Variants in NELL1 observed in about 807,000 individuals in gnomAD.
NELL1 encodes neural EGFL like 1.
In NELL1, 76 loss-of-function variants were observed where a neutral mutation model predicts 107.4. The ratio of observed to expected loss-of-function variants is 0.71; its 90% confidence interval spans 0.59 to 0.86. The LOEUF is 0.86. Among genes scored for constraint, NELL1 ranks in the 40% least tolerant of loss-of-function variants. The pLI is 0.00. For missense variants in NELL1, 1,024 were observed against 1,005.5 expected (o/e 1.02, Z -0.25); for synonymous variants, 353 against 341.2 (o/e 1.03, Z -0.38).
intron 2 of NELL1, among the ~76,000 whole-genome samples, chr11:20,695,722 G>A (rs764282506): frequency 1.3e-5 from 2 of 152,004 alleles, no homozygotes; most frequent in East Asian, 3.9e-4. Flanking sequence ...GGGTAGGGAT[G>A]TTGGCTTATA....
chr11:21,222,953 G>C (rs1857796439), intron 13 of NELL1, among the ~76,000 whole-genome samples: 1 of 152,150 alleles, frequency 6.6e-6, no homozygotes, highest in Admixed American at 6.6e-5. Flanking sequence ...AGACTCTTGT[G>C]ATCTAACATA....
intron 3 of NELL1, among the ~76,000 whole-genome samples, chr11:20,796,870 A>G (rs1236229226): frequency 6.6e-6 from 1 of 152,212 alleles, no homozygotes; most frequent in African/African-American, 2.4e-5. Context: ...CTTTCCACCA[A>G]GAGTTATGCT....
At chr11:21,249,834 T>C (rs549080130) in intron 14 of NELL1, among the ~76,000 whole-genome samples, 104 of 152,294 alleles carry the variant, frequency 6.8e-4, no homozygotes, top group Non-Finnish European at 1.3e-3. Flanking sequence ...TAACTGTCAG[T>C]TAAGTAAGGA....
intron 3 of NELL1, among the ~76,000 whole-genome samples, chr11:20,833,292 T>TATC (rs1470640443): frequency 5.3e-5 from 6 of 113,574 alleles, no homozygotes; most frequent in African/African-American, 1.9e-4. Context: ...TGTTAGCCAT[T>TATC]ATTATTATTA....
At chr11:21,540,781 C>G (rs774768158) in intron 16 of NELL1, among the ~76,000 whole-genome samples, 39 of 152,074 alleles carry the variant, frequency 2.6e-4, no homozygotes, top group Non-Finnish European at 5.4e-4. Flanking sequence ...GGCCCCTCCT[C>G]CAACACTGGA....
chr11:21,072,172 A>G (rs1854031544), intron 12 of NELL1, among the ~76,000 whole-genome samples: 1 of 152,210 alleles, frequency 6.6e-6, no homozygotes, highest in Non-Finnish European at 1.5e-5. Flanking sequence ...CTAATGTGGC[A>G]GGTGAACTTT....
chr11:21,419,697 C>T (rs573193452), intron 15 of NELL1, among the ~76,000 whole-genome samples: 2 of 152,188 alleles, frequency 1.3e-5, no homozygotes, highest in African/African-American at 4.8e-5. Context: ...AGAGAAAAGC[C>T]ATCAGCTGTC....
At chr11:20,934,906 T>C (rs1850691616) in intron 9 of NELL1, among the ~76,000 whole-genome samples, 1 of 152,230 alleles carries the variant, frequency 6.6e-6, no homozygotes, top group Non-Finnish European at 1.5e-5. Flanking sequence ...GATTTTTGTT[T>C]ACTGAAGGGA....
chr11:21,030,443 C>T (rs1852925068), intron 12 of NELL1, among the ~76,000 whole-genome samples: 1 of 152,092 alleles, frequency 6.6e-6, no homozygotes, highest in African/African-American at 2.4e-5. Context: ...GCTGTTAAAC[C>T]AGAAACTTGG....
intron 4 of NELL1, among the ~76,000 whole-genome samples, chr11:20,884,485 T>C (rs1322070815): frequency 6.7e-6 from 1 of 150,308 alleles, no homozygotes. Context: ...ACCCAGAATC[T>C]TCTGAGCATC....
chr11:20,906,943 A>C (rs1850012389), intron 5 of NELL1, among the ~76,000 whole-genome samples: 1 of 152,124 alleles, frequency 6.6e-6, no homozygotes, highest in African/African-American at 2.4e-5. Context: ...CAAGGCAAAG[A>C]TATCACCACT....
At chr11:20,961,090 A>G (rs1210749365) in intron 12 of NELL1, among the ~76,000 whole-genome samples, 10 of 152,180 alleles carry the variant, frequency 6.6e-5, no homozygotes, top group African/African-American at 2.4e-4. Context: ...GGAGGGACTC[A>G]TAACTTTGGC....
chr11:20,692,233 C>T (rs1854486881), intron 2 of NELL1, among the ~76,000 whole-genome samples: 1 of 151,660 alleles, frequency 6.6e-6, no homozygotes, highest in African/African-American at 2.4e-5. Context: ...TTCAAAAAAC[C>T]AGCTCCTGGA....
chr11:20,878,502 A>T (rs771955701), intron 4 of NELL1, among the ~76,000 whole-genome samples: 1 of 150,958 alleles, frequency 6.6e-6, no homozygotes, highest in African/African-American at 2.5e-5. Context: ...TTCTATCTCT[A>T]TCTCTTTTCC....
intron 14 of NELL1, among the ~76,000 whole-genome samples, chr11:21,250,228 G>T (rs966788596): frequency 6.6e-6 from 1 of 152,144 alleles, no homozygotes; most frequent in African/African-American, 2.4e-5. Flanking sequence ...TTCAGACAGG[G>T]ATCTGTGTAG....
intron 14 of NELL1, among the ~76,000 whole-genome samples, chr11:21,316,317 G>A (rs1428039732): frequency 6.6e-6 from 1 of 152,038 alleles, no homozygotes; most frequent in African/African-American, 2.4e-5. Flanking sequence ...GATAGGCTTG[G>A]TTTTTACACA....
At position 21,402,749 on chromosome 11, in the gene NELL1, G is replaced by A. The variant is rs537045175; in HGVS notation, c.1645+31801G>A. On this transcript the variant is annotated intron_variant, in intron 15 of 19. Transcript: ENST00000357134. ...GTAAATAAGCTTTATCTCCTATGAT[G>A]TGAAAGGTAGTTTGAAGTACAGTCC... is the stretch of plus-strand genomic sequence containing the variant. 1.9e-4 allele frequency among the ~76,000 whole-genome samples: 28 copies of A among 151,180 alleles called. 1 individual carries two copies. Among genetic ancestry groups the A allele is most frequent in the South Asian group, 2.1e-4 (1 of 4,802 alleles).
chr11:20,767,204 G>GCT (rs1856551032), intron 2 of NELL1, among the ~76,000 whole-genome samples: 1 of 152,182 alleles, frequency 6.6e-6, no homozygotes, highest in African/African-American at 2.4e-5. Flanking sequence ...GCTCTTAAAG[G>GCT]TGACATGGAC....
At chr11:21,115,125 A>G (rs1201283535) in intron 13 of NELL1, among the ~76,000 whole-genome samples, 3 of 152,048 alleles carry the variant, frequency 2.0e-5, no homozygotes, top group Admixed American at 6.6e-5. Context: ...CGAATGCCTT[A>G]ATAGGATAGG....
Sources: allele counts gnomAD v4.1 joint callset (sites outside exome capture counted in the v4.1 genomes callset), GRCh38; gene constraint gnomAD v4.1.1; transcripts MANE v1.5; gene names NCBI Gene and HGNC (gene_info 2026-07-23, HGNC 2026-07-21).